MGMT: variants seen among roughly 807,000 people sequenced by gnomAD.
The protein encoded by MGMT is methylated-DNA--protein-cysteine methyltransferase.
MGMT carries 14 observed loss-of-function variants against 15.9 expected under a neutral mutation model. The ratio of observed to expected loss-of-function variants is 0.88; its 90% CI spans 0.58 to 1.37. The LOEUF is 1.37. Among genes scored for constraint, MGMT ranks in the 40% most tolerant of loss-of-function variants. The pLI is 0.00. For synonymous variants in MGMT, 130 were observed against 118.2 expected, an observed-to-expected ratio of 1.10 and a Z score of -0.65; for missense variants, 282 against 268.1, an observed-to-expected ratio of 1.05 and a Z score of -0.36.
At position 129,748,949 on chromosome 10, in the gene MGMT, C is replaced by T. The variant is rs148773135; in HGVS notation, c.275-10253C>T. ...GGAAACAACTTTATCAACTAGAGTT[C>T]AGTATTTATGTACAGTTCCTTTTGC... is the stretch of plus-strand genomic sequence containing the variant. On this transcript the variant is annotated intron_variant, in intron 3 of 4. Transcript: ENST00000651593. Among the ~76,000 whole-genome samples the T allele has an allele frequency of 8.5e-5, 13 of 152,252 alleles. No homozygotes were observed. In the East Asian group the frequency reaches 2.3e-3, roughly 27 times the overall value.
intron 3 of MGMT, among the ~76,000 whole-genome samples, chr10:129,737,434 T>C (rs1317577523): frequency 6.6e-6 from 1 of 152,144 alleles, no homozygotes; most frequent in Non-Finnish European, 1.5e-5. Context: ...TCTGTATTGG[T>C]TACTCTAGTT....
At chr10:129,725,728 C>T (rs11598124) in intron 3 of MGMT, among the ~76,000 whole-genome samples, 48,425 of 152,184 alleles carry the variant, frequency 0.32, 7,988 homozygotes, top group Middle Eastern at 0.43. Context: ...ACCCTGTGCC[C>T]TCAAGAGGAG....
At chr10:129,646,754 A>ATATATATATATATATTTTTTTTTTT in intron 2 of MGMT, among the ~76,000 whole-genome samples, 3 of 86,664 alleles carry the variant, frequency 3.5e-5, no homozygotes, top group Admixed American at 1.2e-4. Context: ...ATATATATAT[A>ATATATATATATATATTTTTTTTTTT]TTTTCAGGGA....
chr10:129,503,993 ACAGTAT>A (rs1425424190), intron 1 of MGMT, among the ~76,000 whole-genome samples: 1 of 152,220 alleles, frequency 6.6e-6, no homozygotes, highest in Non-Finnish European at 1.5e-5. Flanking sequence ...GATGGTTTCA[ACAGTAT>A]CAGATCAGGG....
intron 2 of MGMT, among the ~76,000 whole-genome samples, chr10:129,655,734 G>A (rs1847518258): frequency 6.6e-6 from 1 of 152,198 alleles, no homozygotes; most frequent in South Asian, 2.1e-4. Flanking sequence ...GCTGTGGGTT[G>A]TCGTTACGTG....
Position 129,613,008 on chromosome 10 carries a change from A to G in MGMT, c.125+76631A>G, listed in dbSNP as rs1846980208. On this transcript the variant is annotated intron_variant, in intron 2 of 4. Transcript: ENST00000651593. The stretch of plus-strand genomic sequence containing the variant: ...CCATGTTATAGCCGAGTTCAGACCC[A>G]CTACACAGACCTCCTAAGGTGCTGG... Among the ~76,000 whole-genome samples, 2 of 152,084 alleles carry G rather than the reference A, an allele frequency of 1.3e-5. 1 individual carries two copies. The highest frequency in any genetic ancestry group is 4.1e-4 in the South Asian group (2 of 4,824).
At chr10:129,487,321 C>T (rs1278953262) in intron 1 of MGMT, among the ~76,000 whole-genome samples, 3 of 151,904 alleles carry the variant, frequency 2.0e-5, no homozygotes, top group African/African-American at 7.3e-5. Context: ...TCTGTAAAGG[C>T]CAAACTTGTT....
intron 2 of MGMT, among the ~76,000 whole-genome samples, chr10:129,581,195 G>A (rs76346392): frequency 0.033 from 4,949 of 152,242 alleles, 131 homozygotes; most frequent in South Asian, 0.065. Context: ...TGAGCTTTTT[G>A]GTAGCCTGGC....
chr10:129,482,494 G>A (rs1845369071), intron 1 of MGMT, among the ~76,000 whole-genome samples: 1 of 152,032 alleles, frequency 6.6e-6, no homozygotes, highest in African/African-American at 2.4e-5. Flanking sequence ...AAAATTATTA[G>A]GAGTATTGAC....
chr10:129,506,618 C>T (rs1226502210), intron 1 of MGMT, among the ~76,000 whole-genome samples: 4 of 152,086 alleles, frequency 2.6e-5, no homozygotes, highest in African/African-American at 7.2e-5. Context: ...CCTGAGCCCT[C>T]GGACTGCTTT....
chr10:129,542,480 T>C (rs1846052720), intron 2 of MGMT, among the ~76,000 whole-genome samples: 1 of 152,282 alleles, frequency 6.6e-6, no homozygotes, highest in Non-Finnish European at 1.5e-5. Context: ...GAGAAGAAAC[T>C]GTTCTTAAGG....
chr10:129,471,819 C>T (rs1050831076), intron 1 of MGMT, among the ~76,000 whole-genome samples: 2 of 152,172 alleles, frequency 1.3e-5, no homozygotes, highest in Non-Finnish European at 2.9e-5. Flanking sequence ...CAGGCAAGAT[C>T]CGAGTCCCCC....
At chr10:129,560,090 G>C (rs1846259658) in intron 2 of MGMT, among the ~76,000 whole-genome samples, 1 of 152,216 alleles carries the variant, frequency 6.6e-6, no homozygotes, top group African/African-American at 2.4e-5. Flanking sequence ...AAAAGGCAGA[G>C]TCTGACATTC....
intron 2 of MGMT, among the ~76,000 whole-genome samples, chr10:129,564,695 C>CCTTCCTCCTCTT (rs1846332496): frequency 7.4e-6 from 1 of 135,468 alleles, no homozygotes; most frequent in African/African-American, 2.7e-5. Flanking sequence ...CTCCTCCTCT[C>CCTTCCTCCTCTT]CTTCCTCCTC....
intron 2 of MGMT, among the ~76,000 whole-genome samples, chr10:129,609,064 G>A (rs1445265612): frequency 6.6e-6 from 1 of 152,230 alleles, no homozygotes; most frequent in African/African-American, 2.4e-5. Context: ...GGCCTCTCCT[G>A]GGCAGGTCCG....
chr10:129,488,037 A>ACACACACG (rs1177224008), intron 1 of MGMT, among the ~76,000 whole-genome samples: 1 of 151,268 alleles, frequency 6.6e-6, no homozygotes, highest in Non-Finnish European at 1.5e-5. Context: ...ACACACACAC[A>ACACACACG]CACATGAATA....
intron 2 of MGMT, among the ~76,000 whole-genome samples, chr10:129,570,361 C>T (rs559309691): frequency 2.7e-4 from 41 of 152,392 alleles, no homozygotes; most frequent in African/African-American, 5.0e-4. Context: ...AGTCCAGTGA[C>T]GCTGATTGAG....
chr10:129,572,898 G>A (rs561997112), intron 2 of MGMT, among the ~76,000 whole-genome samples: 10 of 152,064 alleles, frequency 6.6e-5, no homozygotes, highest in East Asian at 1.9e-4. Context: ...AAAGTCTCCC[G>A]AGGTTTTGTT....
At position 129,560,954 on chromosome 10, in the gene MGMT, AGTGTGTGTGT is replaced by A. The variant is rs57984603; in HGVS notation, c.125+24612_125+24621del. ...TCTCCAGCTGAATTCAGTAAAGAGC[AGTGTGTGTGT>A]GTGTGTGTGTGTGTGTGTGTGTGTG... is the stretch of plus-strand genomic sequence containing the variant. On this transcript the variant is annotated intron_variant, in intron 2 of 4. Coordinates refer to ENST00000651593, the MANE Select transcript of MGMT (RefSeq NM_002412.5). Among the ~76,000 whole-genome samples, 211 of 133,316 alleles carry A rather than the reference AGTGTGTGTGT, an allele frequency of 1.6e-3. 1 individual carries two copies. The highest frequency in any genetic ancestry group is 5.3e-3 in the African/African-American group (194 of 36,476). 87.5% of individuals were successfully genotyped at this position (133,316 alleles called of 152,430 possible). A position where few individuals can be genotyped will look rare whatever the true frequency, so the allele number is the denominator to read the frequency against.
Sources: allele counts gnomAD v4.1 joint callset (sites outside exome capture counted in the v4.1 genomes callset), GRCh38; gene constraint gnomAD v4.1.1; transcripts MANE v1.5; gene names NCBI Gene and HGNC (gene_info 2026-07-23, HGNC 2026-07-21).